TGFBR2: variants seen among roughly 807,000 people sequenced by gnomAD.
TGFBR2 encodes the protein transforming growth factor beta receptor 2.
TGFBR2 carries 18 observed loss-of-function variants against 49.0 expected under a neutral mutation model. The observed-to-expected ratio is 0.37, with a 90% CI of 0.25 to 0.54. The LOEUF (loss-of-function observed/expected upper bound fraction) is 0.54. Among genes scored for constraint, TGFBR2 ranks in the 20% least tolerant of loss-of-function variants. TGFBR2 has a pLI of 0.85. For missense variants in TGFBR2, 525 were observed against 722.6 expected (o/e 0.73, Z 3.13); for synonymous variants, 282 against 275.9 (o/e 1.02, Z -0.22).
chr3:30,672,231 C>T lies in TGFBR2; in HGVS notation c.1048C>T (p.Leu350=), dbSNP rs755843367. 6.8e-6 allele frequency: 11 copies of T among 1,607,628 alleles called. No homozygotes were observed. In the Admixed American group the frequency reaches 8.4e-5, roughly 12 times the overall value. ...HVISWEDLRK[L]GSSLARGIAH... ...CATCAGCTGGGAGGACCTGCGCAAG[C>T]TGGGCAGCTCCCTCGCCCGGGGGAT... is the stretch of plus-strand genomic sequence containing the variant. Residue 350 remains leucine, a synonymous_variant, in exon 4 of 7, where the codon CTG becomes TTG. Transcript: ENST00000295754. This position sits in a 1 kb window ranked among gnomAD's most constrained non-coding sequence, Gnocchi z 4.5.
At chr3:30,670,113 G>A (rs1267081495) in intron 3 of TGFBR2, among the ~76,000 whole-genome samples, 3 of 152,098 alleles carry the variant, frequency 2.0e-5, no homozygotes, top group East Asian at 1.9e-4. Flanking sequence ...GGTGCAGAGT[G>A]GTCAGTATGG....
In TGFBR2 at chr3:30,672,086, T is replaced by C. The variant is rs1369484772; in HGVS notation, c.903T>C (p.His301=). The C allele has an allele frequency of 1.9e-6, 3 of 1,614,206 alleles. No homozygotes were observed. The East Asian group carries it at 6.7e-5, about 36-fold the overall frequency. The change falls in exon 4 of 7, where the codon CAT becomes CAC. Residue 301 remains histidine (H), a synonymous_variant. Transcript: ENST00000295754. The surrounding 1 kb of genome is among the most constrained non-coding windows in gnomAD (Gnocchi z 4.5). ...TCTTCTCAGACATCAATCTGAAGCA[T>C]GAGAACATACTCCAGTTCCTGACGG... ...KDIFSDINLK[H]ENILQFLTAE...
At chr3:30,620,741 C>T (rs1193793920) in intron 1 of TGFBR2, among the ~76,000 whole-genome samples, 1 of 152,098 alleles carries the variant, frequency 6.6e-6, no homozygotes, top group East Asian at 1.9e-4. Context: ...TTTTTTGTCA[C>T]TCCTGCCTTT....
chr3:30,687,231 T>C (rs1699638197), intron 5 of TGFBR2, among the ~76,000 whole-genome samples: 1 of 152,226 alleles, frequency 6.6e-6, no homozygotes, highest in African/African-American at 2.4e-5. Context: ...ATCATTTTCT[T>C]TATTGAATAT....
chr3:30,623,158 A>T (rs1698264888), intron 1 of TGFBR2: 7 of 1,114,932 alleles, frequency 6.3e-6, no homozygotes, highest in Middle Eastern at 1.9e-4. Flanking sequence ...GTAATTTTAA[A>T]AACAGCTCTC....
intron 2 of TGFBR2, among the ~76,000 whole-genome samples, chr3:30,645,642 C>T (rs1415525119): frequency 6.6e-6 from 1 of 152,030 alleles, no homozygotes; most frequent in African/African-American, 2.4e-5. Flanking sequence ...CCCACTACCA[C>T]ACCTGGCTAA....
At chr3:30,677,889 A>G (rs1185397399) in intron 5 of TGFBR2, among the ~76,000 whole-genome samples, 2 of 152,240 alleles carry the variant, frequency 1.3e-5, no homozygotes, top group South Asian at 2.1e-4. Context: ...TTATCTTACA[A>G]ATTAAATAAT....
At chr3:30,686,089 T>A (rs929452800) in intron 5 of TGFBR2, among the ~76,000 whole-genome samples, 1 of 152,156 alleles carries the variant, frequency 6.6e-6, no homozygotes, top group Non-Finnish European at 1.5e-5. Flanking sequence ...AGAGAAGAAG[T>A]ACATGAGAGT....
chr3:30,664,862 T>C (rs994985174), intron 3 of TGFBR2, among the ~76,000 whole-genome samples: 2 of 152,262 alleles, frequency 1.3e-5, no homozygotes, highest in African/African-American at 4.8e-5. Flanking sequence ...GTGGATCAGT[T>C]AATGTGTCTT....
intron 5 of TGFBR2, among the ~76,000 whole-genome samples, chr3:30,688,040 A>G (rs1403875780): frequency 1.3e-5 from 2 of 152,192 alleles, no homozygotes; most frequent in African/African-American, 4.8e-5. Context: ...CTTCCCAAGA[A>G]CCAGTTTCAC....
chr3:30,637,483 T>C (rs1559454067), intron 1 of TGFBR2, among the ~76,000 whole-genome samples: 1 of 152,168 alleles, frequency 6.6e-6, no homozygotes, highest in African/African-American at 2.4e-5. Context: ...TGGCCAAACT[T>C]ACTGGAAGCT....
intron 1 of TGFBR2, among the ~76,000 whole-genome samples, chr3:30,641,751 A>G (rs773971328): frequency 2.0e-5 from 3 of 152,042 alleles, no homozygotes; most frequent in African/African-American, 7.3e-5. Flanking sequence ...TCAACATTCA[A>G]TGGAAAGGCT....
At position 30,613,502 on chromosome 3, in the gene TGFBR2, C is replaced by CTG. The variant is rs145632978; in HGVS notation, c.94+6539_94+6540dup. Among the ~76,000 whole-genome samples the CTG allele has an allele frequency of 6.2e-4, 93 of 149,336 alleles. 1 individual carries two copies. In the East Asian group the frequency reaches 0.012, roughly 19 times the overall value. On this transcript the variant is annotated intron_variant, in intron 1 of 6. Coordinates refer to ENST00000295754, the MANE Select transcript of TGFBR2 (RefSeq NM_003242.6). ...CACGAGGGTTGTTTAAGGGATAGCT[C>CTG]TGTGTGTGTGTGTGTCTGTATGTGA...
intron 1 of TGFBR2, among the ~76,000 whole-genome samples, chr3:30,607,629 T>A (rs1697946952): frequency 1.3e-5 from 2 of 151,958 alleles, no homozygotes; most frequent in African/African-American, 4.8e-5. Flanking sequence ...GAATGCCTAC[T>A]GGGTGCTAGA....
In TGFBR2 at chr3:30,668,637, G is replaced by C. The variant is rs186070796; in HGVS notation, c.455-3001G>C. ...AATTGCTTTGTCCCACCCCATTTCT[G>C]CCCTACTCTTGCCTGTTCTTTGTCC... On this transcript the variant is annotated intron_variant, in intron 3 of 6. Transcript: ENST00000295754. Among the ~76,000 whole-genome samples the C allele has an allele frequency of 8.8e-3, 1,332 of 152,080 alleles. 26 individuals carry two copies. The highest frequency in any genetic ancestry group is 0.031 in the African/African-American group (1,284 of 41,448).
chr3:30,646,144 A>G (rs1698736664), intron 2 of TGFBR2, among the ~76,000 whole-genome samples: 1 of 152,152 alleles, frequency 6.6e-6, no homozygotes. Context: ...TTTGGGAATG[A>G]GTCATTTGAG....
At chr3:30,679,435 C>T (rs1699496850) in intron 5 of TGFBR2, among the ~76,000 whole-genome samples, 1 of 152,156 alleles carries the variant, frequency 6.6e-6, no homozygotes, top group Admixed American at 6.5e-5. Flanking sequence ...AAAACATAAA[C>T]AGATGATAAT....
At chr3:30,623,153 T>G in intron 1 of TGFBR2, 2 of 1,072,114 alleles carry the variant, frequency 1.9e-6, no homozygotes, top group Non-Finnish European at 2.9e-6. Flanking sequence ...CATCTGTAAT[T>G]TTAAAAACAG....
chr3:30,608,118 T>C (rs1697964562), intron 1 of TGFBR2, among the ~76,000 whole-genome samples: 1 of 151,942 alleles, frequency 6.6e-6, no homozygotes, highest in Non-Finnish European at 1.5e-5. Context: ...TTTGTATTTT[T>C]AGTAGAGACG....
Sources: allele counts gnomAD v4.1 joint callset (sites outside exome capture counted in the v4.1 genomes callset), GRCh38; gene constraint gnomAD v4.1.1; non-coding constraint Gnocchi (gnomAD v3.1); transcripts MANE v1.5; gene names NCBI Gene and HGNC (gene_info 2026-07-23, HGNC 2026-07-21).